The following FILIP1L variants were observed in gnomAD, a reference collection of about 807,000 sequenced individuals.
FILIP1L encodes the protein filamin A interacting protein 1 like, also known as filamin A-interacting protein 1-like.
FILIP1L carries 55 observed loss-of-function variants against 96.6 expected under a neutral mutation model. The observed-to-expected ratio is 0.57, with a 90% CI of 0.46 to 0.71. The LOEUF (loss-of-function observed/expected upper bound fraction) is 0.71, where lower values mean the gene tolerates loss of function less well. Ranked by LOEUF, FILIP1L falls within the 30% of genes least tolerant of loss-of-function variation. The pLI is 0.00. For missense variants in FILIP1L, 1,304 were observed against 1,321.2 expected (o/e 0.99, Z 0.20); for synonymous variants, 467 against 473.9 (o/e 0.99, Z 0.19).
At chr3:99,860,452 G>A (rs1272789861) in intron 4 of FILIP1L, among the ~76,000 whole-genome samples, 1 of 152,144 alleles carries the variant, frequency 6.6e-6, no homozygotes, top group Non-Finnish European at 1.5e-5. Context: ...GACTGGAATT[G>A]AGGCAAATCT....
chr3:99,962,298 G>T (rs974003398), intron 1 of FILIP1L, among the ~76,000 whole-genome samples: 3 of 152,148 alleles, frequency 2.0e-5, no homozygotes, highest in Non-Finnish European at 4.4e-5. Context: ...AGATGAGGTC[G>T]CATGTGATGG....
chr3:99,929,747 C>G (rs190967891), intron 3 of FILIP1L, 109 bp downstream of exon 3: 1 of 748,928 alleles, frequency 1.3e-6, no homozygotes, highest in Non-Finnish European at 2.1e-6. Context: ...GCTTTAAGTG[C>G]GTTAGAAAGT....
At chr3:100,058,996 C>T (rs1241078256) in intron 1 of FILIP1L, among the ~76,000 whole-genome samples, 1 of 152,254 alleles carries the variant, frequency 6.6e-6, no homozygotes, top group Non-Finnish European at 1.5e-5. Context: ...TAACATCCAT[C>T]TCTTCCAGTG....
At chr3:99,911,195 T>G (rs1283516963) in intron 4 of FILIP1L, among the ~76,000 whole-genome samples, 7 of 152,070 alleles carry the variant, frequency 4.6e-5, no homozygotes, top group African/African-American at 1.7e-4. Context: ...ATTTCTTCAA[T>G]CCTATTTGGC....
intron 4 of FILIP1L, among the ~76,000 whole-genome samples, chr3:99,867,408 A>G (rs1335776602): frequency 6.6e-6 from 1 of 152,186 alleles, no homozygotes; most frequent in African/African-American, 2.4e-5. Context: ...CTCAGGTTTT[A>G]GTAGCTGAAA....
At chr3:100,037,347 C>G (rs2065125206) in intron 1 of FILIP1L, among the ~76,000 whole-genome samples, 1 of 152,094 alleles carries the variant, frequency 6.6e-6, no homozygotes. Flanking sequence ...ATTTTAATAA[C>G]TGGTGAATAT....
At position 99,848,372 on chromosome 3, in the gene FILIP1L, TGTTTAGTGCCCC is replaced by T; in HGVS notation, c.3292_3303del (p.Gly1098_Asn1101del). 3 of 1,614,220 alleles carry T rather than the reference TGTTTAGTGCCCC, an allele frequency of 1.9e-6. No individual in the cohort carries two copies. The highest frequency in any genetic ancestry group is 8.5e-7 in the Non-Finnish European group (1 of 1,180,012). ...CTGCTGGTGACTTTATTGGTTGTTTTGTTTAGTGCCCCGTTAATTAAGCCTTGAGTTCGGTTA... is the reference window on the plus strand; with the variant it reads ...CTGCTGGTGACTTTATTGGTTGTTTTGTTAATTAAGCCTTGAGTTCGGTTA... On this transcript the variant is annotated inframe_deletion, in exon 5 of 6. Transcript: ENST00000477258.
intron 1 of FILIP1L, among the ~76,000 whole-genome samples, chr3:100,021,956 TGTGTGAGAGAGA>T (rs1378774113): frequency 4.8e-4 from 45 of 94,608 alleles, no homozygotes; most frequent in African/African-American, 1.4e-3. Context: ...TGTGTGTGTG[TGTGTGAGAGAGA>T]GAGAGAGAGA....
At chr3:99,960,805 T>G (rs1708468051) in intron 1 of FILIP1L, among the ~76,000 whole-genome samples, 1 of 152,222 alleles carries the variant, frequency 6.6e-6, no homozygotes, top group Admixed American at 6.5e-5. Flanking sequence ...TACTGTTAAT[T>G]TATGTGCCCT....
chr3:99,922,115 C>T (rs775846173), intron 4 of FILIP1L, among the ~76,000 whole-genome samples: 37 of 152,184 alleles, frequency 2.4e-4, no homozygotes, highest in Non-Finnish European at 7.3e-5. Context: ...TGGGCAGGGA[C>T]AGTCTGTACC....
chr3:99,845,191 T>C (rs1943306656), intron 5 of FILIP1L, among the ~76,000 whole-genome samples: 2 of 149,906 alleles, frequency 1.3e-5, no homozygotes, highest in East Asian at 1.9e-4. Flanking sequence ...CACAATGTCC[T>C]TCTAGTAAGG....
chr3:99,924,902 A>G (rs1214055320), intron 3 of FILIP1L, among the ~76,000 whole-genome samples: 2 of 152,210 alleles, frequency 1.3e-5, no homozygotes, highest in African/African-American at 4.8e-5. Flanking sequence ...ATACAAATGT[A>G]GTCTCTTTAT....
chr3:100,069,600 G>A (rs2065726518), intron 1 of FILIP1L, among the ~76,000 whole-genome samples: 1 of 152,098 alleles, frequency 6.6e-6, no homozygotes, highest in Admixed American at 6.5e-5. Flanking sequence ...GTCTCCTGAG[G>A]CACCAGACAG....
intron 4 of FILIP1L, chr3:99,875,942 G>T: frequency 1.9e-6 from 1 of 538,276 alleles, no homozygotes; most frequent in Non-Finnish European, 2.4e-6. Context: ...AGAATTCATT[G>T]GATGCGCTTT....
intron 5 of FILIP1L, among the ~76,000 whole-genome samples, chr3:99,838,904 C>T (rs1206250183): frequency 6.6e-6 from 1 of 152,162 alleles, no homozygotes; most frequent in Non-Finnish European, 1.5e-5. Context: ...CACAGAGACT[C>T]CCTAGTGCTG....
At chr3:99,833,763 T>C (rs1393666152) in intron 5 of FILIP1L, among the ~76,000 whole-genome samples, 2 of 152,244 alleles carry the variant, frequency 1.3e-5, no homozygotes, top group Non-Finnish European at 2.9e-5. Context: ...CAGAGACCTC[T>C]GGTCATTTTG....
chr3:99,973,575 A>G (rs1395156919), intron 1 of FILIP1L, among the ~76,000 whole-genome samples: 3 of 152,166 alleles, frequency 2.0e-5, no homozygotes, highest in South Asian at 2.1e-4. Flanking sequence ...CATGAAAGTT[A>G]TCAACATCCT....
At chr3:99,918,621 G>GT (rs1379298533) in intron 4 of FILIP1L, among the ~76,000 whole-genome samples, 7 of 152,148 alleles carry the variant, frequency 4.6e-5, no homozygotes, top group Non-Finnish European at 7.4e-5. Context: ...GAATTGTGCA[G>GT]TTTTAAGAGT....
At chr3:100,042,355 T>C (rs1559736870) in intron 1 of FILIP1L, among the ~76,000 whole-genome samples, 1 of 152,240 alleles carries the variant, frequency 6.6e-6, no homozygotes, top group Non-Finnish European at 1.5e-5. Context: ...ACATTGGCTC[T>C]GTGACCAGCC....
Sources: gnomAD v4.1 joint callset for allele counts (sites outside exome capture counted in the v4.1 genomes callset) on GRCh38, gnomAD v4.1.1 for gene constraint, MANE v1.5 for transcripts, NCBI Gene and HGNC (gene_info 2026-07-23, HGNC 2026-07-21) for gene names.